Variants in LAT2 observed in about 807,000 individuals in gnomAD.
LAT2 encodes the protein linker for activation of T cells family member 2.
In LAT2, 23 loss-of-function variants were observed where a neutral mutation model predicts 43.4. The observed-to-expected ratio is 0.53, with a 90% CI of 0.38 to 0.75. LAT2 has a LOEUF of 0.75. Among genes scored for constraint, LAT2 ranks in the 30% least tolerant of loss-of-function variants. The pLI is 0.00. For missense variants in LAT2, 284 were observed against 310.2 expected (o/e 0.92, Z 0.64); for synonymous variants, 128 against 123.2 (o/e 1.04, Z -0.26).
chr7:74,213,940 G>T (rs1296298232), intron 1 of LAT2, among the ~76,000 whole-genome samples: 1 of 149,210 alleles, frequency 6.7e-6, no homozygotes, highest in South Asian at 2.1e-4. Context: ...ATCTCCAGGG[G>T]GCCAGGTCTC....
chr7:74,223,933 C>T (rs1802386295), intron 11 of LAT2, 85 bp from the exon 12 acceptor site: 2 of 1,502,710 alleles, frequency 1.3e-6, no homozygotes, highest in Admixed American at 1.9e-5. Context: ...AGAGCCTTGC[C>T]CCTACTATCC....
At chr7:74,217,184 CA>C (rs1554714401) in intron 4 of LAT2, among the ~76,000 whole-genome samples, 1 of 152,144 alleles carries the variant, frequency 6.6e-6, no homozygotes, top group Non-Finnish European at 1.5e-5. Context: ...GTAATCCCAG[CA>C]CTTTGGGAGG....
intron 12 of LAT2, 114 bp downstream of exon 12, chr7:74,224,311 G>C: frequency 8.8e-7 from 1 of 1,137,466 alleles, no homozygotes. Flanking sequence ...TAACCCCGCA[G>C]TGATGCCTGG....
At position 74,215,984 on chromosome 7, in the gene LAT2, G is replaced by T; in HGVS notation, c.9G>T (p.Ser3=). MS[S]GTELLWPGAA... ...CAACACCAGGAGCCAACATGAGCTC[G>T]GGGACTGAACTGCTGTGGCCCGGAG... The change falls in exon 3 of 14, where the codon TCG becomes TCT. Residue 3 remains serine, a synonymous_variant. Transcript: ENST00000460943. The T allele has an allele frequency of 6.2e-7, 1 of 1,614,088 alleles. No homozygotes were observed. The highest frequency in any genetic ancestry group is 1.1e-5 in the South Asian group (1 of 91,084).
rs367704429 is a variant in LAT2, at chr7:74,220,696, T to A, written c.302-8T>A. 9.9e-6 allele frequency: 16 copies of A among 1,608,994 alleles called. No homozygotes were observed. The African/African-American group carries it at 1.9e-4, about 19-fold the overall frequency. ...GGGCTCAGGCCCAATTCTCGCCTCC[T>A]CCCGCAGGAAGCAGACACGGGTCGG... On this transcript the variant is annotated splice_polypyrimidine_tract_variant and splice_region_variant and intron_variant, in intron 8 of 13. Transcript: ENST00000460943. This position sits in a 1 kb window ranked among gnomAD's most constrained non-coding sequence, Gnocchi z 4.5.
In LAT2 at chr7:74,214,873, G is replaced by A. The variant is rs1801981365; in HGVS notation, c.-167G>A. 7.1e-6 allele frequency: 1 copy of A among 140,374 alleles called. No individual in the cohort carries two copies. The highest frequency in any genetic ancestry group is 1.5e-5 in the Non-Finnish European group (1 of 66,456). 8.7% of individuals were successfully genotyped at this position (140,374 alleles called of 1,614,324 possible). A position where few individuals can be genotyped will look rare whatever the true frequency, so the allele number is the denominator to read the frequency against. ...GCTGGTCTGGAGCTCTTGATCTCAA[G>A]CGATCCTCCCTGCCTCGGCCTCCCA... On this transcript the variant is annotated 5_prime_UTR_variant, in exon 2 of 14. Coordinates refer to ENST00000460943, the MANE Select transcript of LAT2 (RefSeq NM_032464.3).
intron 13 of LAT2, among the ~76,000 whole-genome samples, chr7:74,227,164 C>G (rs1336835992): frequency 6.6e-6 from 1 of 151,740 alleles, no homozygotes. Flanking sequence ...GCCTCAGCCT[C>G]CCGAGTAGCT....
Position 74,220,050 on chromosome 7 carries a change from T to A in LAT2, c.227+42T>A. 1 of 1,608,050 alleles carries A rather than the reference T, an allele frequency of 6.2e-7. No homozygotes were observed. The highest frequency in any genetic ancestry group is 2.2e-5 in the East Asian group (1 of 44,680). On this transcript the variant is annotated intron_variant, in intron 6 of 13. Transcript: ENST00000460943. This position sits in a 1 kb window ranked among gnomAD's most constrained non-coding sequence, Gnocchi z 4.5. ...CAGGAAGTGACAAGAATGAAAGTCC[T>A]GGAGGTCCTCACCTGGTGAGCCCAG...
intron 4 of LAT2, among the ~76,000 whole-genome samples, chr7:74,217,208 G>T (rs1802077495): frequency 6.6e-6 from 1 of 152,124 alleles, no homozygotes. Context: ...AAGGCAGGTG[G>T]ATCACCTGAG....
At chr7:74,227,137 G>A (rs557621104) in intron 13 of LAT2, among the ~76,000 whole-genome samples, 1 of 151,848 alleles carries the variant, frequency 6.6e-6, no homozygotes, top group East Asian at 1.9e-4. Context: ...CGCCTCCTGG[G>A]TTCAAGCGAT....
At chr7:74,214,220 A>G (rs1469425989) in intron 1 of LAT2, among the ~76,000 whole-genome samples, 2 of 102,730 alleles carry the variant, frequency 1.9e-5, no homozygotes, top group African/African-American at 4.1e-5. Flanking sequence ...ATGAAAATAT[A>G]TATATGAAAA....
chr7:74,227,068 T>C (rs1327139789), intron 13 of LAT2, among the ~76,000 whole-genome samples: 8 of 150,914 alleles, frequency 5.3e-5, no homozygotes, highest in Admixed American at 3.9e-4. Flanking sequence ...TTTTTTTTTT[T>C]TTCGTTCCTG....
chr7:74,221,144 G>A lies in LAT2; in HGVS notation c.332+410G>A, dbSNP rs189241422. Among the ~76,000 whole-genome samples, 68 of 152,162 alleles carry A rather than the reference G, an allele frequency of 4.5e-4. 1 individual carries two copies. The East Asian group carries it at 0.01, about 23-fold the overall frequency. On this transcript the variant is annotated intron_variant, in intron 9 of 13. Coordinates refer to ENST00000460943, the MANE Select transcript of LAT2 (RefSeq NM_032464.3). ...CATAGCAAGGTGGCTCACCAGGTGCGGTGGCTCATGCCTGTAATCCCAGGA... is the reference window on the plus strand; with the variant it reads ...CATAGCAAGGTGGCTCACCAGGTGCAGTGGCTCATGCCTGTAATCCCAGGA...
intron 3 of LAT2, among the ~76,000 whole-genome samples, chr7:74,216,486 C>T (rs1194576239): frequency 6.6e-6 from 1 of 152,166 alleles, no homozygotes; most frequent in East Asian, 1.9e-4. Context: ...ATTCTCCTGC[C>T]TCAACCCCCT....
intron 13 of LAT2, among the ~76,000 whole-genome samples, chr7:74,227,373 C>G (rs868992134): frequency 5.9e-5 from 9 of 152,046 alleles, no homozygotes; most frequent in African/African-American, 2.2e-4. Flanking sequence ...GCACACGCCA[C>G]AACACCTGGC....
chr7:74,225,457 GA>G (rs1173411567), intron 13 of LAT2: 2 of 152,338 alleles, frequency 1.3e-5, no homozygotes, highest in Non-Finnish European at 2.9e-5. Context: ...GTCAATGCTG[GA>G]AACAGACAGG....
chr7:74,224,506 C>G (rs1554715782), intron 12 of LAT2, 133 bp from the exon 13 acceptor site: 5 of 765,320 alleles, frequency 6.5e-6, no homozygotes, highest in Non-Finnish European at 1.1e-5. Context: ...GACAGACACA[C>G]ACCGCCAGGA....
rs782720726 is a variant in LAT2 at position 74,221,672 on chromosome 7, G to A, written c.368G>A (p.Arg123Gln). The A allele has an allele frequency of 2.1e-5, 34 of 1,612,932 alleles. No homozygotes were observed. In the Middle Eastern group the frequency reaches 4.9e-4, roughly 23 times the overall value. Residue 123 changes from arginine (R) to glutamine (Q), a missense_variant, in exon 10 of 14, where the codon CGG becomes CAG. Arg to Gln is a conservative substitution (Grantham distance 43). Transcript: ENST00000460943. ...GCCATGGAGTATTACAACTGGGGGC[G>A]GTTCTCGAAGCCCCCAGAAGGTGAG... ...PIAMEYYNWG[R>Q]FSKPPEDDDA...
intron 4 of LAT2, among the ~76,000 whole-genome samples, chr7:74,217,074 G>A (rs1802072867): frequency 6.6e-6 from 1 of 152,270 alleles, no homozygotes; most frequent in Admixed American, 6.5e-5. Flanking sequence ...AGGGCTTTGG[G>A]AGGCGGGGAC....
Sources: gnomAD v4.1 joint callset for allele counts (sites outside exome capture counted in the v4.1 genomes callset) on GRCh38, gnomAD v4.1.1 for gene constraint, Gnocchi (gnomAD v3.1) non-coding constraint, MANE v1.5 for transcripts, NCBI Gene and HGNC (gene_info 2026-07-23, HGNC 2026-07-21) for gene names.